Variants in PEX13 observed in about 807,000 individuals in gnomAD.
PEX13 encodes peroxisome biogenesis factor 13.
In PEX13, 28 loss-of-function variants were observed where a neutral mutation model predicts 34.5. The observed-to-expected ratio is 0.81, with a 90% confidence interval of 0.60 to 1.11. The LOEUF is 1.11. Among genes scored for constraint, PEX13 ranks in the 50% most tolerant of loss-of-function variants. The pLI is 0.00. For synonymous variants in PEX13, 177 were observed against 175.1 expected (o/e 1.01, Z -0.09); for missense variants, 550 against 491.0 (o/e 1.12, Z -1.13).
intron 2 of PEX13, among the ~76,000 whole-genome samples, chr2:61,039,967 C>T (rs1211922702): frequency 6.6e-6 from 1 of 152,162 alleles, no homozygotes; most frequent in Non-Finnish European, 1.5e-5. Context: ...GACATTTATG[C>T]AGCCAACAAA....
At chr2:61,039,637 A>C (rs1355825944) in intron 2 of PEX13, among the ~76,000 whole-genome samples, 2 of 152,184 alleles carry the variant, frequency 1.3e-5, no homozygotes, top group African/African-American at 2.4e-5. Context: ...CACCATAAAA[A>C]CCCAAGAAGA....
Position 61,031,693 on chromosome 2 carries a change from G to T in PEX13, c.367G>T (p.Glu123Ter), listed in dbSNP as rs2104803395. 1 of 1,614,216 alleles carries T rather than the reference G, an allele frequency of 6.2e-7. No individual in the cohort carries two copies. The highest frequency in any genetic ancestry group is 8.5e-7 in the Non-Finnish European group (1 of 1,180,034). ...ACCCAGTAGATTTGTTCAGCAAGCT[G>T]AAGAAAGCAGCAGGGGTGCATTTCA... ...LPPSRFVQQA[E>*]ESSRGAFQSI... is the part of the protein sequence containing the mutation. The change falls in exon 2 of 4, where the codon GAA (glutamate) becomes TAA (stop). Residue 123 changes from glutamate (E) to a stop codon, truncating the protein, a stop_gained. Coordinates refer to ENST00000295030, the MANE Select transcript of PEX13 (RefSeq NM_002618.4). LOFTEE classifies it high-confidence loss of function.
intron 2 of PEX13, among the ~76,000 whole-genome samples, chr2:61,044,945 A>G (rs930205778): frequency 1.3e-5 from 2 of 152,236 alleles, no homozygotes; most frequent in Non-Finnish European, 2.9e-5. Flanking sequence ...ATGCAAGCAC[A>G]AAGGAAATTT....
chr2:61,051,707 AT>A lies in PEX13; in HGVS notation c.*2938del, dbSNP rs970905680. On this transcript the variant is annotated 3_prime_UTR_variant, in exon 4 of 4. Coordinates refer to ENST00000295030, the MANE Select transcript of PEX13 (RefSeq NM_002618.4). ...CAAAACATTATTAATTAAATAAAATATAAGTTTACAATAATAAAACATGTTT... is the reference window on the plus strand; with the variant it reads ...CAAAACATTATTAATTAAATAAAATAAAGTTTACAATAATAAAACATGTTT... The A allele has an allele frequency of 2.6e-5, 4 of 152,220 alleles. No homozygotes were observed. The highest frequency in any genetic ancestry group is 5.9e-5 in the Non-Finnish European group (4 of 68,030). The allele number at this position is 152,220 out of a possible 1,614,324, so 9.4% of individuals were successfully genotyped here.
intron 1 of PEX13, chr2:61,018,429 G>T (rs945352669): frequency 1.9e-6 from 2 of 1,044,470 alleles, no homozygotes; most frequent in Middle Eastern, 2.2e-4. Context: ...GCCTATGGAT[G>T]GACTTTGTGT....
rs1363284184 is a variant in PEX13, at chr2:61,039,904, AC to A, written c.788-5821del. On this transcript the variant is annotated intron_variant, in intron 2 of 3. Coordinates refer to ENST00000295030, the MANE Select transcript of PEX13 (RefSeq NM_002618.4). The stretch of plus-strand genomic sequence containing the variant: ...CTTAAACAAATTTACAAGAAAAAAA[AC>A]AACCCCATCAAAAAGTAGGCAAAAG... 2.0e-4 allele frequency among the ~76,000 whole-genome samples: 31 copies of A among 152,258 alleles called. 1 individual carries two copies. Among genetic ancestry groups the A allele is most frequent in the Admixed American group, 1.3e-3 (20 of 15,270 alleles).
chr2:61,045,939 A>G (rs1680698756), intron 3 of PEX13, 88 bp downstream of exon 3: 2 of 1,114,772 alleles, frequency 1.8e-6, no homozygotes, highest in Non-Finnish European at 2.7e-6. Context: ...GATCTTGTTC[A>G]TTGTTAGTTA....
chr2:61,017,949 C>G, intron 1 of PEX13, 98 bp downstream of exon 1: 1 of 1,376,026 alleles, frequency 7.3e-7, no homozygotes, highest in Non-Finnish European at 1.0e-6. Flanking sequence ...ATTCCCTTCC[C>G]CCCTTTAACC....
chr2:61,046,087 C>T (rs1005982020), intron 3 of PEX13, among the ~76,000 whole-genome samples: 1 of 152,140 alleles, frequency 6.6e-6, no homozygotes, highest in Admixed American at 6.5e-5. Flanking sequence ...TTTATATAGG[C>T]TTTTCTAAAC....
At chr2:61,048,142 A>G (rs1680738069) in intron 3 of PEX13, among the ~76,000 whole-genome samples, 1 of 152,098 alleles carries the variant, frequency 6.6e-6, no homozygotes, top group Admixed American at 6.6e-5. Flanking sequence ...CATTTTTTAG[A>G]CTCCAGTTTA....
chr2:61,033,874 G>A (rs1351447593), intron 2 of PEX13, among the ~76,000 whole-genome samples: 1 of 152,176 alleles, frequency 6.6e-6, no homozygotes, highest in Non-Finnish European at 1.5e-5. Context: ...GGAGTAGATG[G>A]TATAAGTTGT....
chr2:61,039,285 A>G (rs953357014), intron 2 of PEX13, among the ~76,000 whole-genome samples: 37 of 152,196 alleles, frequency 2.4e-4, no homozygotes, highest in Admixed American at 3.9e-4. Flanking sequence ...CAACATAACC[A>G]AGACAATCCT....
At position 61,048,629 on chromosome 2, in the gene PEX13, C is replaced by T. The variant is rs1371570388; in HGVS notation, c.1071C>T (p.Asn357=). 4 of 1,613,966 alleles carry T rather than the reference C, an allele frequency of 2.5e-6. No individual in the cohort carries two copies. In the South Asian group the frequency reaches 3.3e-5, roughly 13 times the overall value. The change falls in exon 4 of 4, where the codon AAC becomes AAT. Residue 357 remains asparagine, a synonymous_variant. Coordinates refer to ENST00000295030, the MANE Select transcript of PEX13 (RefSeq NM_002618.4). ...CCAAGCAGCAACAATCTTTTACCAA[C>T]CCAACACTAACTAAAGGAGCCACGG... ...KVSKQQQSFT[N]PTLTKGATVA...
chr2:61,018,153 C>A (rs1175610326), intron 1 of PEX13: 1 of 1,550,574 alleles, frequency 6.4e-7, no homozygotes, highest in Non-Finnish European at 8.7e-7. Context: ...TCTGTTTTCA[C>A]TTTGACAGAA....
rs188618762 is a variant in PEX13, at chr2:61,025,806, A to G, written c.93-5613A>G. On this transcript the variant is annotated intron_variant, in intron 1 of 3. Coordinates refer to ENST00000295030, the MANE Select transcript of PEX13 (RefSeq NM_002618.4). ...ATCTAGAATCACTTTAATCCAATAA[A>G]GGATTGAGCTGATTTAAAACTTGGT... Among the ~76,000 whole-genome samples, 570 of 152,330 alleles carry G rather than the reference A, an allele frequency of 3.7e-3. 3 individuals are homozygous for G. Among genetic ancestry groups the G allele is most frequent in the African/African-American group, 0.013 (554 of 41,572 alleles).
In PEX13 at chr2:61,048,653, G is replaced by C; in HGVS notation, c.1095G>C (p.Thr365=). The C allele has an allele frequency of 1.2e-6, 2 of 1,613,920 alleles. No homozygotes were observed. Among genetic ancestry groups the C allele is most frequent in the Non-Finnish European group, 1.7e-6 (2 of 1,179,816 alleles). Residue 365 remains threonine (T), a synonymous_variant, in exon 4 of 4, where the codon ACG becomes ACC. Coordinates refer to ENST00000295030, the MANE Select transcript of PEX13 (RefSeq NM_002618.4). ...ACCCAACACTAACTAAAGGAGCCAC[G>C]GTTGCTGATTCTTTGGATGAACAGG... ...FTNPTLTKGA[T]VADSLDEQEA...
chr2:61,027,287 C>A (rs1195170736), intron 1 of PEX13, among the ~76,000 whole-genome samples: 1 of 149,552 alleles, frequency 6.7e-6, no homozygotes, highest in East Asian at 1.9e-4. Context: ...TGCAGTGAGC[C>A]GTGATTGCAC....
Position 61,031,665 on chromosome 2 carries a change from T to G in PEX13, c.339T>G (p.Leu113=). 1 of 1,614,184 alleles carries G rather than the reference T, an allele frequency of 6.2e-7. No individual in the cohort carries two copies. Among genetic ancestry groups the G allele is most frequent in the South Asian group, 1.1e-5 (1 of 91,082 alleles). The change falls in exon 2 of 4, where the codon CTT becomes CTG. Residue 113 remains leucine (L), a synonymous_variant. Transcript: ENST00000295030. ...ACAACCGCCTCCGTGTAGATGATCT[T>G]CCACCCAGTAGATTTGTTCAGCAAG... ...LGYNRLRVDD[L]PPSRFVQQAE...
intron 2 of PEX13, among the ~76,000 whole-genome samples, chr2:61,034,840 A>G (rs1680509548): frequency 1.3e-5 from 2 of 152,366 alleles, no homozygotes; most frequent in Non-Finnish European, 2.9e-5. Context: ...GGAGCCCACC[A>G]CAGCTCAGCA....
Sources: allele counts gnomAD v4.1 joint callset (sites outside exome capture counted in the v4.1 genomes callset), GRCh38; gene constraint gnomAD v4.1.1; transcripts MANE v1.5; gene names NCBI Gene and HGNC (gene_info 2026-07-23, HGNC 2026-07-21).